Variants in ARID4A observed in about 807,000 individuals in gnomAD.
ARID4A encodes the protein AT-rich interaction domain 4A.
ARID4A carries 39 observed loss-of-function variants against 148.6 expected under a neutral mutation model. That is an observed-to-expected ratio of 0.26 (90% CI 0.20 to 0.34). The LOEUF (loss-of-function observed/expected upper bound fraction) is 0.34. ARID4A is among the 10% of genes least tolerant of loss of function. The pLI is 1.00. For missense variants in ARID4A, 1,265 were observed against 1,449.1 expected (o/e 0.87, Z 2.06); for synonymous variants, 475 against 481.2 (o/e 0.99, Z 0.17).
intron 17 of ARID4A, among the ~76,000 whole-genome samples, chr14:58,357,755 T>G (rs925916925): frequency 3.9e-5 from 6 of 152,180 alleles, no homozygotes; most frequent in Admixed American, 3.9e-4. Context: ...CTGTTGTTTC[T>G]TTACTTAACT....
At chr14:58,323,896 C>CTTTTTTTT (rs545318449) in intron 8 of ARID4A, among the ~76,000 whole-genome samples, 11 of 104,212 alleles carry the variant, frequency 1.1e-4, no homozygotes, top group African/African-American at 2.8e-4. Flanking sequence ...CTTAGGTTCC[C>CTTTTTTTT]TTTTTTTTTT....
chr14:58,305,302 T>G (rs1393017519), intron 4 of ARID4A, among the ~76,000 whole-genome samples: 1 of 152,160 alleles, frequency 6.6e-6, no homozygotes, highest in African/African-American at 2.4e-5. Flanking sequence ...TTTTTCACAT[T>G]GTTGCTGTAT....
intron 2 of ARID4A, among the ~76,000 whole-genome samples, chr14:58,300,626 CGTG>C (rs1291178980): frequency 6.6e-6 from 1 of 152,092 alleles, no homozygotes; most frequent in Non-Finnish European, 1.5e-5. Context: ...CAAACTTTCT[CGTG>C]GTTTTCTATT....
intron 13 of ARID4A, among the ~76,000 whole-genome samples, 184 bp downstream of exon 13, chr14:58,346,689 AG>A (rs2034379751): frequency 6.6e-6 from 1 of 151,946 alleles, no homozygotes; most frequent in East Asian, 1.9e-4. Flanking sequence ...GCATTTTGGG[AG>A]ATTGAGGCGG....
intron 12 of ARID4A, among the ~76,000 whole-genome samples, chr14:58,345,376 G>C (rs1006968680): frequency 1.3e-5 from 2 of 152,112 alleles, no homozygotes; most frequent in African/African-American, 4.8e-5. Context: ...ATGTTAATCT[G>C]CATACCCACT....
At chr14:58,323,451 G>T in intron 7 of ARID4A, 34 bp from the exon 8 acceptor site, 1 of 1,589,132 alleles carries the variant, frequency 6.3e-7, no homozygotes, top group Non-Finnish European at 8.6e-7. Flanking sequence ...AATTGTTTGT[G>T]TTAGGATAAT....
In ARID4A at chr14:58,353,701, G is replaced by A; in HGVS notation, c.1699G>A (p.Glu567Lys). Residue 567 changes from glutamate (E) to lysine (K), a missense_variant, in exon 17 of 24, where the codon GAG (glutamate) becomes AAG (lysine). This residue lies in a region of ARID4A where 205 missense variants were observed against 196.9 expected (regional missense o/e 1.04). Transcript: ENST00000355431. Reference protein sequence around the residue: ...SKCDSEGEEDEEDMEPCLTGT... With the variant: ...SKCDSEGEEDKEDMEPCLTGT... ...ATGTGACTCTGAAGGAGAGGAAGATGAGGAAGACATGGAACCCTGCCTAAC... is the reference window on the plus strand; with the variant it reads ...ATGTGACTCTGAAGGAGAGGAAGATAAGGAAGACATGGAACCCTGCCTAAC... 2 of 1,614,044 alleles carry A rather than the reference G, an allele frequency of 1.2e-6. No individual in the cohort carries two copies. Among genetic ancestry groups the A allele is most frequent in the Non-Finnish European group, 1.7e-6 (2 of 1,179,972 alleles).
In ARID4A at chr14:58,335,421, C is replaced by A. The variant is rs192041268; in HGVS notation, c.906+5252C>A. On this transcript the variant is annotated intron_variant, in intron 11 of 23. Coordinates refer to ENST00000355431, the MANE Select transcript of ARID4A (RefSeq NM_002892.4). ...CTCCGCCTCCTGGGTTCAAGCAATT[C>A]TCCTGCCTCAGCCTCCCAAGTAACT... is the stretch of plus-strand genomic sequence containing the variant. 2.0e-4 allele frequency among the ~76,000 whole-genome samples: 30 copies of A among 151,240 alleles called. No homozygotes were observed. The East Asian group carries it at 5.5e-3, about 28-fold the overall frequency.
chr14:58,299,142 G>C (rs2030861163), intron 1 of ARID4A, among the ~76,000 whole-genome samples: 1 of 152,198 alleles, frequency 6.6e-6, no homozygotes, highest in African/African-American at 2.4e-5. Context: ...CTGCGGTGCG[G>C]CTCCCCTCCC....
intron 19 of ARID4A, among the ~76,000 whole-genome samples, chr14:58,363,572 G>A (rs985621001): frequency 2.3e-4 from 35 of 151,942 alleles, no homozygotes; most frequent in African/African-American, 7.2e-4. Flanking sequence ...GGTGGCCTGC[G>A]CCTATCCCAG....
chr14:58,318,702 C>G lies in ARID4A; in HGVS notation c.355-9C>G. ...AAAACGTAATTTAATTAATCTATTTCTTATACAGACACTTGACCAGCTTCC... is the reference window on the plus strand; with the variant it reads ...AAAACGTAATTTAATTAATCTATTTGTTATACAGACACTTGACCAGCTTCC... On this transcript the variant is annotated splice_polypyrimidine_tract_variant and intron_variant, in intron 6 of 23. Transcript: ENST00000355431. The G allele has an allele frequency of 6.2e-7, 1 of 1,613,778 alleles. No homozygotes were observed.
intron 23 of ARID4A, among the ~76,000 whole-genome samples, chr14:58,368,856 G>A (rs1486586975): frequency 6.6e-6 from 1 of 152,102 alleles, no homozygotes; most frequent in East Asian, 1.9e-4. Context: ...GCTTATGTGT[G>A]GAATTTTCCA....
intron 8 of ARID4A, among the ~76,000 whole-genome samples, chr14:58,324,379 G>A (rs1385702343): frequency 2.0e-5 from 3 of 152,110 alleles, no homozygotes; most frequent in Non-Finnish European, 2.9e-5. Context: ...GGGCTCAGGC[G>A]TTCCTCCTGT....
chr14:58,359,633 C>CAT (rs1377477158), intron 18 of ARID4A, among the ~76,000 whole-genome samples: 3 of 152,160 alleles, frequency 2.0e-5, no homozygotes, highest in African/African-American at 7.2e-5. Context: ...CAACTACAGA[C>CAT]TTTTTCTCTC....
At chr14:58,304,874 GT>G (rs751119405) in intron 3 of ARID4A, 69 bp from the exon 4 acceptor site, 2,042 of 1,233,310 alleles carry the variant, frequency 1.7e-3, no homozygotes, top group Non-Finnish European at 2.2e-3. Context: ...AGACATTATT[GT>G]TATAGTGTTA....
At chr14:58,299,903 C>T in intron 2 of ARID4A, 43 bp downstream of exon 2, 1 of 1,612,990 alleles carries the variant, frequency 6.2e-7, no homozygotes. Flanking sequence ...GCCCTGAACA[C>T]TGCCAATCCT....
chr14:58,342,016 T>C (rs1330879583), intron 11 of ARID4A, among the ~76,000 whole-genome samples: 1 of 152,160 alleles, frequency 6.6e-6, no homozygotes, highest in Non-Finnish European at 1.5e-5. Context: ...GAAAATGCCA[T>C]GGACAGAGAA....
intron 17 of ARID4A, among the ~76,000 whole-genome samples, chr14:58,354,610 G>C (rs773427685): frequency 2.6e-5 from 4 of 151,664 alleles, no homozygotes. Context: ...TGGAGCCCAG[G>C]AGTTGGAGGC....
At chr14:58,349,490 CAA>C (rs111454525) in intron 15 of ARID4A, among the ~76,000 whole-genome samples, 2 of 139,786 alleles carry the variant, frequency 1.4e-5, no homozygotes, top group Admixed American at 7.0e-5. Flanking sequence ...ACTAAAAATA[CAA>C]AAAAAAAAAA....
Sources: gnomAD v4.1 joint callset for allele counts (sites outside exome capture counted in the v4.1 genomes callset) on GRCh38, gnomAD v4.1.1 for gene constraint, gnomAD v4.1.1 regional missense constraint, MANE v1.5 for transcripts, NCBI Gene and HGNC (gene_info 2026-07-23, HGNC 2026-07-21) for gene names.